PTPN14: variants seen among roughly 807,000 people sequenced by gnomAD.
The protein encoded by PTPN14 is tyrosine-protein phosphatase non-receptor type 14.
PTPN14 carries 53 observed loss-of-function variants against 126.8 expected under a neutral mutation model. The ratio of observed to expected loss-of-function variants is 0.42; its 90% CI spans 0.34 to 0.53. The LOEUF (loss-of-function observed/expected upper bound fraction) is 0.53, where lower values mean the gene tolerates loss of function less well. Ranked by LOEUF, PTPN14 falls within the 20% of genes least tolerant of loss-of-function variation. The pLI, the probability that PTPN14 is intolerant of heterozygous loss-of-function variation, is 0.08. For missense variants in PTPN14, 1,257 were observed against 1,552.9 expected (o/e 0.81, Z 3.20); for synonymous variants, 630 against 599.3 (o/e 1.05, Z -0.75).
chr1:214,421,356 G>A (rs1020249627), intron 3 of PTPN14, among the ~76,000 whole-genome samples: 2 of 152,182 alleles, frequency 1.3e-5, no homozygotes, highest in African/African-American at 4.8e-5. Context: ...CAAATTCATA[G>A]AGACAGAAAA....
At chr1:214,546,045 G>T (rs1400366006) in intron 1 of PTPN14, among the ~76,000 whole-genome samples, 2 of 152,314 alleles carry the variant, frequency 1.3e-5, no homozygotes, top group African/African-American at 4.8e-5. Flanking sequence ...AAGCAACCAG[G>T]AATGGAATCA....
chr1:214,380,509 A>C (rs1393230328), intron 13 of PTPN14, among the ~76,000 whole-genome samples: 1 of 152,202 alleles, frequency 6.6e-6, no homozygotes, highest in East Asian at 1.9e-4. Flanking sequence ...CAAGCAGGGA[A>C]GTATCTTCAA....
chr1:214,476,794 C>T (rs765819335), intron 1 of PTPN14, among the ~76,000 whole-genome samples: 1 of 152,182 alleles, frequency 6.6e-6, no homozygotes, highest in African/African-American at 2.4e-5. Context: ...AAACAGTCCC[C>T]ACCACCTAGA....
At chr1:214,413,877 C>T (rs1335418558) in intron 4 of PTPN14, among the ~76,000 whole-genome samples, 1 of 151,948 alleles carries the variant, frequency 6.6e-6, no homozygotes, top group Non-Finnish European at 1.5e-5. Flanking sequence ...CCATGTTGGC[C>T]AGGCTGGTCT....
At chr1:214,468,681 TACTC>T (rs1660692393) in intron 1 of PTPN14, among the ~76,000 whole-genome samples, 1 of 152,214 alleles carries the variant, frequency 6.6e-6, no homozygotes, top group African/African-American at 2.4e-5. Flanking sequence ...AGTATACAGA[TACTC>T]ACTCTACTGT....
At chr1:214,539,460 G>C (rs1655785854) in intron 1 of PTPN14, among the ~76,000 whole-genome samples, 1 of 152,112 alleles carries the variant, frequency 6.6e-6, no homozygotes, top group Non-Finnish European at 1.5e-5. Context: ...TAAGGAGATA[G>C]CCTAATTGCC....
rs79468616 is a variant in PTPN14, at chr1:214,550,798, C to A, written c.-155+385G>T. Among the ~76,000 whole-genome samples, 1,316 of 152,206 alleles carry A rather than the reference C, an allele frequency of 8.6e-3. 17 individuals are homozygous for A. The highest frequency in any genetic ancestry group is 0.03 in the African/African-American group (1,262 of 41,522). On this transcript the variant is annotated intron_variant, in intron 1 of 18. Coordinates refer to ENST00000366956, the MANE Select transcript of PTPN14 (RefSeq NM_005401.5). ...TGCATCCCCCTACCGCTGCAGCGAC[C>A]GCGACGTCGTTCGTCTTTCATCCTC... is the stretch of plus-strand genomic sequence containing the variant.
At chr1:214,447,779 G>C (rs1436706670) in intron 3 of PTPN14, among the ~76,000 whole-genome samples, 2 of 152,186 alleles carry the variant, frequency 1.3e-5, no homozygotes, top group East Asian at 3.9e-4. Context: ...TAAAGAGTTG[G>C]TTAGACCTGA....
Position 214,357,881 on chromosome 1 carries a change from G to A in PTPN14, c.*41C>T, listed in dbSNP as rs374712902. The A allele has an allele frequency of 8.8e-6, 14 of 1,590,070 alleles. No individual in the cohort carries two copies. Among genetic ancestry groups the A allele is most frequent in the African/African-American group, 4.0e-5 (3 of 74,396 alleles). On this transcript the variant is annotated 3_prime_UTR_variant, in exon 19 of 19. Coordinates refer to ENST00000366956, the MANE Select transcript of PTPN14 (RefSeq NM_005401.5). Reference sequence around the variant, plus strand: ...TCTGGAGGTGACTCTCCTCCAGCGCGATGGAGCTGGGTCCCTCCTCCAGGA... The same window carrying A: ...TCTGGAGGTGACTCTCCTCCAGCGCAATGGAGCTGGGTCCCTCCTCCAGGA...
intron 1 of PTPN14, among the ~76,000 whole-genome samples, chr1:214,502,604 C>T (rs186849638): frequency 4.0e-4 from 61 of 152,254 alleles, no homozygotes; most frequent in African/African-American, 1.4e-3. Flanking sequence ...AGTAACCCTC[C>T]CACCTCAGCC....
At chr1:214,510,704 C>T (rs144851941) in intron 1 of PTPN14, among the ~76,000 whole-genome samples, 7 of 152,268 alleles carry the variant, frequency 4.6e-5, no homozygotes, top group African/African-American at 1.2e-4. Context: ...AAGGCAATCC[C>T]TCTACTTTGG....
At chr1:214,449,306 G>A (rs1468173096) in intron 3 of PTPN14, among the ~76,000 whole-genome samples, 5 of 152,130 alleles carry the variant, frequency 3.3e-5, no homozygotes, top group South Asian at 2.1e-4. Context: ...GCGCCCGGCC[G>A]ACTTAATTTT....
At chr1:214,453,158 G>A (rs1366747856) in intron 2 of PTPN14, among the ~76,000 whole-genome samples, 1 of 152,210 alleles carries the variant, frequency 6.6e-6, no homozygotes, top group African/African-American at 2.4e-5. Flanking sequence ...CTCCCATGAT[G>A]TTCCAAAGGA....
At chr1:214,507,558 T>A (rs536987258) in intron 1 of PTPN14, among the ~76,000 whole-genome samples, 84 of 152,338 alleles carry the variant, frequency 5.5e-4, no homozygotes, top group African/African-American at 1.9e-3. Flanking sequence ...GTCACAGAGT[T>A]AAATTTATTC....
At chr1:214,415,453 C>T (rs1424736246) in intron 3 of PTPN14, among the ~76,000 whole-genome samples, 1 of 152,202 alleles carries the variant, frequency 6.6e-6, no homozygotes, top group African/African-American at 2.4e-5. Flanking sequence ...CCCAGGACTC[C>T]ACTTCCTTTG....
chr1:214,432,794 C>G (rs931852993), intron 3 of PTPN14, among the ~76,000 whole-genome samples: 7 of 152,092 alleles, frequency 4.6e-5, no homozygotes, highest in African/African-American at 1.7e-4. Context: ...TCATGGTTAT[C>G]CTGATCCATA....
intron 1 of PTPN14, among the ~76,000 whole-genome samples, chr1:214,498,581 C>T (rs1287173108): frequency 2.6e-5 from 4 of 151,814 alleles, no homozygotes; most frequent in African/African-American, 9.7e-5. Context: ...TATATGGAAA[C>T]ATATCCAAAT....
rs147751303 is a variant in PTPN14, at chr1:214,385,746, C to A, written c.1067-958G>T. On this transcript the variant is annotated intron_variant, in intron 12 of 18. Transcript: ENST00000366956. The stretch of plus-strand genomic sequence containing the variant: ...AAGGTGACTGAAGACATTCAACTGT[C>A]TGAAGAGGAAGAATGTGGAAAGAGA... 4.6e-3 allele frequency among the ~76,000 whole-genome samples: 701 copies of A among 152,250 alleles called. 4 individuals carry two copies. The highest frequency in any genetic ancestry group is 0.016 in the African/African-American group (677 of 41,540).
rs764657012 is a variant in PTPN14 at position 214,390,998 on chromosome 1, C to T, written c.977G>A (p.Arg326Gln). Residue 326 changes from arginine (R) to glutamine (Q), a missense_variant, in exon 11 of 19, where the codon CGA becomes CAA. This residue lies in a region of PTPN14 where 1,021 missense variants were observed against 1,183.3 expected (regional missense o/e 0.86). Coordinates refer to ENST00000366956, the MANE Select transcript of PTPN14 (RefSeq NM_005401.5). ...PPIRRQPTWS[R>Q]SSLPRQQPYI... Reference sequence around the variant, plus strand: ...AGCTTCTATACATACCAGAGAGGATCGGCTCCAGGTGGGCTGGCGTCTGAT... The same window carrying T: ...AGCTTCTATACATACCAGAGAGGATTGGCTCCAGGTGGGCTGGCGTCTGAT... 4 of 1,577,498 alleles carry T rather than the reference C, an allele frequency of 2.5e-6. No homozygotes were observed. The highest frequency in any genetic ancestry group is 2.2e-5 in the East Asian group (1 of 44,588).
Sources: gnomAD v4.1 joint callset for allele counts (sites outside exome capture counted in the v4.1 genomes callset) on GRCh38, gnomAD v4.1.1 for gene constraint, gnomAD v4.1.1 regional missense constraint, MANE v1.5 for transcripts, NCBI Gene and HGNC (gene_info 2026-07-23, HGNC 2026-07-21) for gene names.